TCEA2: variants seen among roughly 807,000 people sequenced by gnomAD.
The protein encoded by TCEA2 is transcription elongation factor A2.
A neutral mutation model predicts 40.8 loss-of-function variants in TCEA2; 21 were observed. The observed-to-expected ratio is 0.51, with a 90% CI of 0.36 to 0.74. The LOEUF (loss-of-function observed/expected upper bound fraction) is 0.74. Among genes scored for constraint, TCEA2 ranks in the 30% least tolerant of loss-of-function variants. TCEA2 has a pLI of 0.00. For missense variants in TCEA2, 326 were observed against 426.5 expected, an observed-to-expected ratio of 0.76 and a Z score of 2.08; for synonymous variants, 165 against 162.7, an observed-to-expected ratio of 1.01 and a Z score of -0.11.
chr20:64,069,351 C>T lies in TCEA2; in HGVS notation c.330-10C>T. 2 of 1,569,686 alleles carry T rather than the reference C, an allele frequency of 1.3e-6. No homozygotes were observed. Among genetic ancestry groups the T allele is most frequent in the South Asian group, 1.2e-5 (1 of 86,682 alleles). On this transcript the variant is annotated splice_polypyrimidine_tract_variant and intron_variant, in intron 4 of 9. Coordinates refer to ENST00000343484, the MANE Select transcript of TCEA2 (RefSeq NM_003195.6). ...TGAGTCTGAACCCAGCTGGCCCTGG[C>T]TCTCTGCAGCCGCAAGAGGCCGGAG... is the stretch of plus-strand genomic sequence containing the variant.
In TCEA2 at chr20:64,066,962, G is replaced by A. The variant is rs367860137; in HGVS notation, c.183G>A (p.Ser61=). ...TCAACGCCCTTCGGAAGCAGAGCTC[G>A]GATGAGGAGGTCATTGCACTGGCCA... is the stretch of plus-strand genomic sequence containing the variant. ...MSVNALRKQS[S]DEEVIALAKS... The change falls in exon 3 of 10, where the codon TCG becomes TCA. Residue 61 remains serine, a synonymous_variant. Transcript: ENST00000343484. 1.8e-4 allele frequency: 296 copies of A among 1,613,888 alleles called. No homozygotes were observed. The highest frequency in any genetic ancestry group is 2.2e-4 in the Non-Finnish European group (261 of 1,179,966).
At position 64,068,273 on chromosome 20, in the gene TCEA2, A is replaced by G. The variant is rs1024197270; in HGVS notation, c.329+139A>G. ...GTCGGTCAGCCTCATGCTGGACACC[A>G]GCCTTGTGGTGTGTCCCGCCTGCAC... On this transcript the variant is annotated intron_variant, in intron 4 of 9. Transcript: ENST00000343484. 91 of 762,592 alleles carry G rather than the reference A, an allele frequency of 1.2e-4. No homozygotes were observed. The African/African-American group carries it at 1.4e-3, about 12-fold the overall frequency. The allele number at this position is 762,592 out of a possible 1,614,324, so 47.2% of individuals were successfully genotyped here.
At position 64,058,053 on chromosome 20, in the gene TCEA2, C is replaced by T. The variant is rs943529185; in HGVS notation, c.-84+402C>T. Among the ~76,000 whole-genome samples the T allele has an allele frequency of 6.6e-6, 1 of 152,230 alleles. No individual in the cohort carries two copies. Among genetic ancestry groups the T allele is most frequent in the African/African-American group, 2.4e-5 (1 of 41,466 alleles). On this transcript the variant is annotated intron_variant, in intron 1 of 10. Transcript: ENST00000361317. This position sits in a 1 kb window ranked among gnomAD's most constrained non-coding sequence, Gnocchi z 6.7. ...CAGGTTCCCTGATCACCAGGATGGG[C>T]CTACACCTCTCCGCCTGCAGTAGTT...
At chr20:64,068,292 C>T (rs1443924764) in intron 4 of TCEA2, among the ~76,000 whole-genome samples, 158 bp downstream of exon 4, 1 of 152,244 alleles carries the variant, frequency 6.6e-6, no homozygotes, top group African/African-American at 2.4e-5. Context: ...GTGTGTCCCG[C>T]CTGCACTGAC....
At chr20:64,056,637 G>A (rs1464994891), upstream of TCEA2, among the ~76,000 whole-genome samples, 3 of 152,102 alleles carry the variant, frequency 2.0e-5, no homozygotes, top group Non-Finnish European at 4.4e-5. Flanking sequence ...CCACCACGGC[G>A]CTGCCTCAGC....
upstream of TCEA2, among the ~76,000 whole-genome samples, chr20:64,060,086 G>A (rs973024832): frequency 6.6e-6 from 1 of 152,190 alleles, no homozygotes; most frequent in African/African-American, 2.4e-5. Context: ...CTGGGACGTT[G>A]ACCCTCTCTC....
chr20:64,070,703 G>T, intron 8 of TCEA2, 68 bp downstream of exon 8: 1 of 1,459,224 alleles, frequency 6.9e-7, no homozygotes, highest in Non-Finnish European at 9.1e-7. Context: ...CCTCCTTGGA[G>T]CCCATGCCTA....
intron 6 of TCEA2, 102 bp from the exon 7 acceptor site, chr20:64,070,158 C>A: frequency 6.5e-7 from 1 of 1,537,562 alleles, no homozygotes; most frequent in Non-Finnish European, 8.8e-7. Context: ...TGTGGCTGGG[C>A]AGAACCTTTC....
chr20:64,067,924 T>TG, intron 3 of TCEA2, 123 bp from the exon 4 acceptor site: 1 of 705,748 alleles, frequency 1.4e-6, no homozygotes, highest in African/African-American at 1.9e-5. Flanking sequence ...GGTGAGGGGC[T>TG]GGGGGCGGGG....
At chr20:64,060,895 T>G (rs2059549149), upstream of TCEA2, among the ~76,000 whole-genome samples, 1 of 151,782 alleles carries the variant, frequency 6.6e-6, no homozygotes, top group Admixed American at 6.6e-5. Flanking sequence ...ATTCAAGCGA[T>G]TCTCCTGCCT....
At chr20:64,069,933 A>G in intron 6 of TCEA2, 112 bp downstream of exon 6, 1 of 1,369,812 alleles carries the variant, frequency 7.3e-7, no homozygotes. Context: ...TCCAGGGGTC[A>G]CCTGCCTGGG....
rs1198536655 is a variant in TCEA2, at chr20:64,058,139, C to T, written c.-84+488C>T. On this transcript the variant is annotated intron_variant, in intron 1 of 10. Coordinates refer to the TCEA2 transcript ENST00000361317. This position sits in a 1 kb window ranked among gnomAD's most constrained non-coding sequence, Gnocchi z 6.7. The stretch of plus-strand genomic sequence containing the variant: ...GGCTCCTGTCATAGCGGAGTGGCTG[C>T]GGCCCGCAGGTCAGAGGCACCCGAC... Among the ~76,000 whole-genome samples the T allele has an allele frequency of 1.3e-5, 2 of 152,202 alleles. No homozygotes were observed. The highest frequency in any genetic ancestry group is 6.5e-5 in the Admixed American group (1 of 15,284).
At position 64,063,378 on chromosome 20, in the gene TCEA2, G is replaced by A. The variant is rs1161711824; in HGVS notation, c.66G>A (p.Lys22=). The change falls in exon 1 of 10, where the codon AAG becomes AAA. Residue 22 remains lysine, a synonymous_variant. Coordinates refer to ENST00000343484, the MANE Select transcript of TCEA2 (RefSeq NM_003195.6). ...GGCTGGACAAGATGGTGACCAAGAAGAGCGCGGTGAGGGGCGCGGGCCGCC... is the reference window on the plus strand; with the variant it reads ...GGCTGGACAAGATGGTGACCAAGAAAAGCGCGGTGAGGGGCGCGGGCCGCC... ...ARRLDKMVTK[K]SAEGAMDLLR... is the part of the protein sequence containing the mutation. The A allele has an allele frequency of 1.9e-6, 3 of 1,547,062 alleles. No homozygotes were observed. Among genetic ancestry groups the A allele is most frequent in the South Asian group, 1.2e-5 (1 of 84,066 alleles).
chr20:64,064,244 G>T (rs1371138079), intron 1 of TCEA2: 3 of 152,278 alleles, frequency 2.0e-5, no homozygotes, highest in African/African-American at 7.2e-5. Context: ...GAGTGTCTGG[G>T]CGCTGGAGCC....
In TCEA2 at chr20:64,058,128, C is replaced by T. The variant is rs948929671; in HGVS notation, c.-84+477C>T. On this transcript the variant is annotated intron_variant, in intron 1 of 10. Coordinates refer to the TCEA2 transcript ENST00000361317. The surrounding 1 kb of genome is among the most constrained non-coding windows in gnomAD (Gnocchi z 6.7). The stretch of plus-strand genomic sequence containing the variant: ...TCAGGGTTCGGGGCTCCTGTCATAG[C>T]GGAGTGGCTGCGGCCCGCAGGTCAG... Among the ~76,000 whole-genome samples, 15 of 152,222 alleles carry T rather than the reference C, an allele frequency of 9.9e-5. No homozygotes were observed. Among genetic ancestry groups the T allele is most frequent in the African/African-American group, 3.1e-4 (13 of 41,454 alleles).
upstream of TCEA2, among the ~76,000 whole-genome samples, chr20:64,059,782 T>TA (rs1425886430): frequency 6.6e-6 from 1 of 152,112 alleles, no homozygotes; most frequent in Non-Finnish European, 1.5e-5. Context: ...ACCAGATATT[T>TA]AAAAGCATCC....
Position 64,070,527 on chromosome 20 carries a change from C to T in TCEA2, c.711C>T (p.Ala237=), listed in dbSNP as rs1251964263. 2 of 1,613,892 alleles carry T rather than the reference C, an allele frequency of 1.2e-6. No homozygotes were observed. Among genetic ancestry groups the T allele is most frequent in the East Asian group, 2.2e-5 (1 of 44,880 alleles). Residue 237 remains alanine, a synonymous_variant, in exon 8 of 10, where the codon GCC becomes GCT. Coordinates refer to ENST00000343484, the MANE Select transcript of TCEA2 (RefSeq NM_003195.6). ...ATGAGCTGAAGGAGATCCGTAAGGC[C>T]ATGACCAAGGAGGCCATCCGAGAGC... ...ASDELKEIRK[A]MTKEAIREHQ... is the part of the protein sequence containing the mutation.
chr20:64,070,109 C>A, intron 6 of TCEA2, 151 bp from the exon 7 acceptor site: 1 of 1,213,612 alleles, frequency 8.2e-7, no homozygotes, highest in Non-Finnish European at 1.2e-6. Context: ...TGCAGCCCTT[C>A]ACCTCTCCAC....
chr20:64,070,663 G>A (rs369476518), intron 8 of TCEA2, 28 bp downstream of exon 8: 63 of 1,517,810 alleles, frequency 4.2e-5, no homozygotes, highest in Middle Eastern at 2.1e-4. Flanking sequence ...ACCCTCCCCC[G>A]GGCCCGGTGT....
Sources: allele counts gnomAD v4.1 joint callset (sites outside exome capture counted in the v4.1 genomes callset), GRCh38; gene constraint gnomAD v4.1.1; non-coding constraint Gnocchi (gnomAD v3.1); transcripts MANE v1.5; gene names NCBI Gene and HGNC (gene_info 2026-07-23, HGNC 2026-07-21).